The following XRCC6 variants were observed in gnomAD, a reference collection of about 807,000 sequenced individuals.
XRCC6 encodes X-ray repair cross complementing 6.
Under a neutral mutation model 65.7 loss-of-function variants are expected in XRCC6, and 5 were observed. The ratio of observed to expected loss-of-function variants is 0.08; its 90% CI spans 0.04 to 0.16. The LOEUF (loss-of-function observed/expected upper bound fraction) is 0.16. Ranked by LOEUF, XRCC6 falls within the 10% of genes least tolerant of loss-of-function variation. XRCC6 has a pLI of 1.00. For synonymous variants in XRCC6, 270 were observed against 270.6 expected, an observed-to-expected ratio of 1.00 and a Z score of 0.02; for missense variants, 447 against 738.1, an observed-to-expected ratio of 0.61 and a Z score of 4.57.
At chr22:41,635,922 G>A (rs893036583) in intron 3 of XRCC6, among the ~76,000 whole-genome samples, 191 bp from the exon 4 acceptor site, 1 of 152,020 alleles carries the variant, frequency 6.6e-6, no homozygotes, top group Non-Finnish European at 1.5e-5. Flanking sequence ...ACTGCATTCT[G>A]GTTTTTGTTA....
At chr22:41,642,553 G>A (rs796610145) in intron 6 of XRCC6, among the ~76,000 whole-genome samples, 9 of 152,260 alleles carry the variant, frequency 5.9e-5, no homozygotes, top group African/African-American at 2.2e-4. Flanking sequence ...GAATTTCCCG[G>A]TATGATTTTG....
In XRCC6 at chr22:41,637,170, G is replaced by A. The variant is rs565169359; in HGVS notation, c.589+400G>A. Among the ~76,000 whole-genome samples the A allele has an allele frequency of 3.6e-5, 5 of 138,598 alleles. No homozygotes were observed. In the South Asian group the frequency reaches 9.3e-4, roughly 26 times the overall value. 90.9% of individuals were successfully genotyped at this position (138,598 alleles called of 152,430 possible). On this transcript the variant is annotated intron_variant, in intron 5 of 12. Coordinates refer to ENST00000360079, the MANE Select transcript of XRCC6 (RefSeq NM_001469.5). ...ACAATCTTGGCTCACTGCAACCTCC[G>A]CCTTCCAGATTCAAGCGATTCACCT...
chr22:41,646,833 G>A, intron 6 of XRCC6, 63 bp from the exon 7 acceptor site: 6 of 1,384,670 alleles, frequency 4.3e-6, no homozygotes, highest in Non-Finnish European at 5.9e-6. Context: ...GGTGTTATGA[G>A]GGAATTTTAG....
intron 8 of XRCC6, among the ~76,000 whole-genome samples, chr22:41,652,409 A>C (rs1260316766): frequency 2.0e-5 from 3 of 149,216 alleles, no homozygotes; most frequent in Middle Eastern, 3.2e-3. Flanking sequence ...TCTGTCACCC[A>C]GGCTAGAGTC....
chr22:41,628,965 C>CTACTAA (rs2067709108), intron 3 of XRCC6, among the ~76,000 whole-genome samples: 1 of 62,722 alleles, frequency 1.6e-5, no homozygotes, highest in Admixed American at 2.9e-4. Context: ...GACTCTGTCT[C>CTACTAA]AAAAAAAAAA....
intron 6 of XRCC6, among the ~76,000 whole-genome samples, chr22:41,643,174 G>A (rs1006442296): frequency 6.6e-6 from 1 of 152,152 alleles, no homozygotes; most frequent in Non-Finnish European, 1.5e-5. Flanking sequence ...CACTTTGGGA[G>A]GCCAAGGGGG....
intron 8 of XRCC6, among the ~76,000 whole-genome samples, chr22:41,651,369 T>A (rs948838722): frequency 5.4e-4 from 2 of 3,684 alleles, no homozygotes; most frequent in African/African-American, 1.1e-3. Context: ...AGATTTTTTT[T>A]TTTTTTTTTT....
At chr22:41,627,753 A>G (rs2067694513) in intron 2 of XRCC6, among the ~76,000 whole-genome samples, 1 of 152,180 alleles carries the variant, frequency 6.6e-6, no homozygotes, top group African/African-American at 2.4e-5. Flanking sequence ...ACACACCTGT[A>G]GTCCCAGTTG....
At chr22:41,655,627 G>A (rs1018305472) in intron 9 of XRCC6, among the ~76,000 whole-genome samples, 46 of 151,940 alleles carry the variant, frequency 3.0e-4, no homozygotes, top group African/African-American at 1.0e-3. Flanking sequence ...GTGTGAACCC[G>A]GGAGGTGGAG....
chr22:41,623,747 G>T (rs565015239), intron 2 of XRCC6, among the ~76,000 whole-genome samples: 1 of 151,592 alleles, frequency 6.6e-6, no homozygotes, highest in East Asian at 1.9e-4. Flanking sequence ...TTGAGACAGA[G>T]TCTTGCTCTG....
At chr22:41,633,969 A>G (rs1354165455) in intron 3 of XRCC6, among the ~76,000 whole-genome samples, 1 of 152,180 alleles carries the variant, frequency 6.6e-6, no homozygotes, top group Non-Finnish European at 1.5e-5. Context: ...AGCCCTTACC[A>G]GATTCTTTTA....
chr22:41,622,131 G>A (rs758094570), intron 2 of XRCC6, 45 bp downstream of exon 2: 1 of 1,595,188 alleles, frequency 6.3e-7, no homozygotes, highest in African/African-American at 1.3e-5. Flanking sequence ...GTGGAAGAAA[G>A]ACCTTCCCTG....
intron 6 of XRCC6, among the ~76,000 whole-genome samples, chr22:41,639,850 C>T (rs1296958102): frequency 2.7e-5 from 4 of 150,440 alleles, no homozygotes; most frequent in South Asian, 4.2e-4. Context: ...TTAGTAGAGA[C>T]GGTTTCACCG....
chr22:41,624,611 C>T (rs1342916595), intron 2 of XRCC6, among the ~76,000 whole-genome samples: 3 of 148,146 alleles, frequency 2.0e-5, no homozygotes, highest in African/African-American at 7.5e-5. Context: ...TGGCGTGAAC[C>T]CGGGAGGCAG....
At chr22:41,647,376 G>A (rs193227925) in intron 7 of XRCC6, among the ~76,000 whole-genome samples, 170 of 152,162 alleles carry the variant, frequency 1.1e-3, no homozygotes, top group African/African-American at 3.9e-3. Context: ...GAGGTCAGGA[G>A]TTCAAGACCA....
intron 11 of XRCC6, among the ~76,000 whole-genome samples, chr22:41,659,018 G>C (rs571614416): frequency 6.6e-6 from 1 of 152,270 alleles, no homozygotes; most frequent in East Asian, 1.9e-4. Context: ...ACTCGCAGCC[G>C]GGCGTAGTGG....
chr22:41,651,031 T>G, intron 8 of XRCC6, 140 bp downstream of exon 8: 1 of 1,183,562 alleles, frequency 8.4e-7, no homozygotes, highest in Non-Finnish European at 1.2e-6. Flanking sequence ...CTCTGCCTGG[T>G]GCAGTGGCTC....
chr22:41,623,098 T>TA (rs1452399797), intron 2 of XRCC6, among the ~76,000 whole-genome samples: 2 of 152,108 alleles, frequency 1.3e-5, no homozygotes, highest in African/African-American at 4.8e-5. Context: ...AATATATATA[T>TA]TTTTTAATTT....
In XRCC6 at chr22:41,628,223, G is replaced by C; in HGVS notation, c.188G>C (p.Ser63Thr). 2 of 1,611,838 alleles carry C rather than the reference G, an allele frequency of 1.2e-6. No homozygotes were observed. Among genetic ancestry groups the C allele is most frequent in the Non-Finnish European group, 1.7e-6 (2 of 1,179,000 alleles). The part of the protein sequence containing the change: ...SEDELTPFDM[S>T]IQCIQSVYIS... ...GATGAGTTGACACCTTTTGACATGA[G>C]CATCCAGGTAAGACTACCTTTTAAT... The change falls in exon 3 of 13, where the codon AGC (serine) becomes ACC (threonine). Residue 63 changes from serine to threonine, a missense_variant. Transcript: ENST00000360079.
Sources: gnomAD v4.1 joint callset for allele counts (sites outside exome capture counted in the v4.1 genomes callset) on GRCh38, gnomAD v4.1.1 for gene constraint, MANE v1.5 for transcripts, NCBI Gene and HGNC (gene_info 2026-07-23, HGNC 2026-07-21) for gene names.